The following RNF13 variants were observed in gnomAD, a reference collection of about 807,000 sequenced individuals.
RNF13 encodes the protein E3 ubiquitin-protein ligase RNF13.
RNF13 carries 19 observed loss-of-function variants against 37.7 expected under a neutral mutation model. That is an observed-to-expected ratio of 0.50 (90% confidence interval 0.35 to 0.74). RNF13 has a LOEUF of 0.74. Ranked by LOEUF, RNF13 falls within the 30% of genes least tolerant of loss-of-function variation. The pLI is 0.01. For missense variants in RNF13, 375 were observed against 453.0 expected (o/e 0.83, Z 1.56); for synonymous variants, 144 against 157.8 (o/e 0.91, Z 0.65).
chr3:149,882,035 A>T (rs899710653), intron 4 of RNF13, among the ~76,000 whole-genome samples: 1 of 152,060 alleles, frequency 6.6e-6, no homozygotes, highest in Admixed American at 6.6e-5. Flanking sequence ...AGAGAAGGAT[A>T]TACAGATGGA....
chr3:149,872,047 A>C lies in RNF13; in HGVS notation c.214A>C (p.Lys72Gln). The C allele has an allele frequency of 6.3e-7, 1 of 1,597,294 alleles. No homozygotes were observed. Among genetic ancestry groups the C allele is most frequent in the Non-Finnish European group, 8.5e-7 (1 of 1,175,708 alleles). ...EGLKGFLINSKPENACEPIVP... is the reference protein window; with the variant it reads ...EGLKGFLINSQPENACEPIVP... ...TTTTCAGGGTTTTTTGATTAACTCA[A>C]AACCAGAGAATGCCTGTGAACCCAT... The change falls in exon 4 of 10, where the codon AAA (lysine) becomes CAA (glutamine). Residue 72 changes from lysine to glutamine, a missense_variant. Transcript: ENST00000392894.
intron 5 of RNF13, among the ~76,000 whole-genome samples, chr3:149,899,456 T>C (rs971954303): frequency 5.3e-5 from 8 of 151,922 alleles, no homozygotes; most frequent in Non-Finnish European, 1.2e-4. Flanking sequence ...CTCCAAATGA[T>C]TGAATGAATG....
chr3:149,932,869 G>T (rs1559960372), intron 8 of RNF13, among the ~76,000 whole-genome samples: 1 of 152,248 alleles, frequency 6.6e-6, no homozygotes, highest in Admixed American at 6.5e-5. Flanking sequence ...GGGAGTCTGT[G>T]TTGGGGATCC....
At chr3:149,896,023 T>C (rs1019966007) in intron 5 of RNF13, among the ~76,000 whole-genome samples, 1 of 152,216 alleles carries the variant, frequency 6.6e-6, no homozygotes, top group Admixed American at 6.5e-5. Context: ...AGTTTTTCAT[T>C]TCAGATGGGA....
chr3:149,815,045 A>C (rs541535111), intron 1 of RNF13, among the ~76,000 whole-genome samples: 73 of 152,202 alleles, frequency 4.8e-4, no homozygotes, highest in African/African-American at 1.8e-3. Flanking sequence ...ATAATACTGA[A>C]GGGTTTGGGA....
intron 8 of RNF13, among the ~76,000 whole-genome samples, chr3:149,943,528 G>C (rs142831827): frequency 2.5e-4 from 38 of 152,220 alleles, no homozygotes; most frequent in African/African-American, 9.1e-4. Flanking sequence ...TGGACACATT[G>C]TTATCCTCCA....
intron 6 of RNF13, among the ~76,000 whole-genome samples, chr3:149,907,651 C>T (rs1471272496): frequency 6.6e-6 from 1 of 152,156 alleles, no homozygotes; most frequent in Non-Finnish European, 1.5e-5. Flanking sequence ...TAGCCTCTCT[C>T]CTCATTAAAA....
intron 1 of RNF13, among the ~76,000 whole-genome samples, chr3:149,841,201 T>C (rs1722145178): frequency 6.6e-6 from 1 of 152,214 alleles, no homozygotes; most frequent in African/African-American, 2.4e-5. Flanking sequence ...TTTATTTTAA[T>C]CCAGTTGATT....
intron 8 of RNF13, among the ~76,000 whole-genome samples, chr3:149,934,355 G>T (rs891063136): frequency 6.6e-5 from 10 of 151,236 alleles, no homozygotes; most frequent in Admixed American, 3.3e-4. Context: ...TTTTATTTCT[G>T]CTCTGATCTG....
chr3:149,916,608 C>T (rs1290595125), intron 7 of RNF13, among the ~76,000 whole-genome samples: 1 of 151,716 alleles, frequency 6.6e-6, no homozygotes, highest in African/African-American at 2.4e-5. Flanking sequence ...TTTCTTCTAC[C>T]TTGTCTGGTT....
At chr3:149,821,711 C>T (rs1271620001) in intron 1 of RNF13, among the ~76,000 whole-genome samples, 1 of 151,812 alleles carries the variant, frequency 6.6e-6, no homozygotes, top group Non-Finnish European at 1.5e-5. Context: ...CTTTTGGTGT[C>T]ATATCAAGAA....
chr3:149,913,195 ATT>A (rs903937191), intron 7 of RNF13, among the ~76,000 whole-genome samples: 17 of 152,078 alleles, frequency 1.1e-4, no homozygotes, highest in African/African-American at 3.9e-4. Context: ...CAGTTAAATA[ATT>A]TTTTTCCTAT....
intron 1 of RNF13, among the ~76,000 whole-genome samples, chr3:149,814,586 C>T (rs142595172): frequency 1.0e-3 from 153 of 151,958 alleles, no homozygotes; most frequent in Non-Finnish European, 1.7e-3. Context: ...AGAAAAAATA[C>T]CAGAGGACAT....
chr3:149,868,110 CAT>C (rs1448169453), intron 3 of RNF13, among the ~76,000 whole-genome samples: 1 of 151,928 alleles, frequency 6.6e-6, no homozygotes, highest in East Asian at 1.9e-4. Context: ...TCTCAGTTCA[CAT>C]ATTTTTATAT....
rs115252283 is a variant in RNF13, at chr3:149,925,010, T to G, written c.700+3783T>G. Among the ~76,000 whole-genome samples, 724 of 152,290 alleles carry G rather than the reference T, an allele frequency of 4.8e-3. 2 individuals are homozygous for G. The highest frequency in any genetic ancestry group is 0.017 in the African/African-American group (698 of 41,538). On this transcript the variant is annotated intron_variant, in intron 8 of 9. Coordinates refer to ENST00000392894, the MANE Select transcript of RNF13 (RefSeq NM_183381.3). ...GTGGGTATTTGTAGTGGTGAGTCTG[T>G]GGAAATGTTCTTTGCTTTAATTTCT...
At position 149,913,369 on chromosome 3, in the gene RNF13, A is replaced by C. The variant is rs564661891; in HGVS notation, c.606+1286A>C. Among the ~76,000 whole-genome samples the C allele has an allele frequency of 1.3e-3, 193 of 152,302 alleles. 1 individual carries two copies. Among genetic ancestry groups the C allele is most frequent in the African/African-American group, 4.5e-3 (187 of 41,574 alleles). On this transcript the variant is annotated intron_variant, in intron 7 of 9. Transcript: ENST00000392894. ...AACATTTAATTTTGGAATAATGTTA[A>C]GATTTACAGAAAGTTTGCAAAGAAG... is the stretch of plus-strand genomic sequence containing the variant.
intron 8 of RNF13, among the ~76,000 whole-genome samples, chr3:149,927,305 A>C (rs1718749501): frequency 6.6e-6 from 1 of 152,216 alleles, no homozygotes; most frequent in Admixed American, 6.5e-5. Context: ...ATGTTGTAGC[A>C]TATATCAGAA....
intron 1 of RNF13, among the ~76,000 whole-genome samples, chr3:149,826,543 A>T (rs1474545241): frequency 2.6e-5 from 4 of 152,230 alleles, no homozygotes; most frequent in Admixed American, 6.5e-5. Flanking sequence ...AAAGTAATGC[A>T]CACTTAGAAA....
Position 149,957,962 on chromosome 3 carries a change from A to G in RNF13, c.701-2094A>G, listed in dbSNP as rs147516175. Among the ~76,000 whole-genome samples the G allele has an allele frequency of 2.9e-3, 435 of 152,326 alleles. 2 individuals are homozygous for G. The highest frequency in any genetic ancestry group is 1.0e-2 in the African/African-American group (415 of 41,584). On this transcript the variant is annotated intron_variant, in intron 8 of 9. Coordinates refer to ENST00000392894, the MANE Select transcript of RNF13 (RefSeq NM_183381.3). ...AGAGCACTAAGCTCCAGTTTGGTCC[A>G]TGATCACAAACTGTACCTTGGAATC...
Sources: allele counts gnomAD v4.1 joint callset (sites outside exome capture counted in the v4.1 genomes callset), GRCh38; gene constraint gnomAD v4.1.1; transcripts MANE v1.5; gene names NCBI Gene and HGNC (gene_info 2026-07-23, HGNC 2026-07-21).